Variants in STPG2 observed in about 807,000 individuals in gnomAD.
STPG2 encodes sperm-tail PG-rich repeat-containing protein 2.
In STPG2, 56 loss-of-function variants were observed where a neutral mutation model predicts 54.2. The observed-to-expected ratio is 1.03, with a 90% CI of 0.83 to 1.29. The LOEUF (loss-of-function observed/expected upper bound fraction) is 1.29, where lower values mean the gene tolerates loss of function less well. Ranked by LOEUF, STPG2 falls within the 50% of genes most tolerant of loss-of-function variation. The pLI is 0.00. For synonymous variants in STPG2, 200 were observed against 181.8 expected (o/e 1.10, Z -0.81); for missense variants, 596 against 544.9 (o/e 1.09, Z -0.93).
intron 5 of STPG2, among the ~76,000 whole-genome samples, chr4:98,009,286 AT>A (rs539158346): frequency 1.3e-4 from 20 of 150,500 alleles, no homozygotes; most frequent in Non-Finnish European, 1.6e-4. Flanking sequence ...AGTTTTTTTC[AT>A]TTTTTTATCT....
In STPG2 at chr4:97,558,930, G is replaced by A. The variant is rs1732148127; in HGVS notation, c.*128C>T. ...GTGTCATATAGTCACTAAAGCCTGA[G>A]CGAATGCCTGAACAAGTGAAAATTA... On this transcript the variant is annotated 3_prime_UTR_variant, in exon 11 of 11. Coordinates refer to ENST00000295268, the MANE Select transcript of STPG2 (RefSeq NM_174952.3). The A allele has an allele frequency of 1.3e-6, 1 of 756,368 alleles. No individual in the cohort carries two copies. Among genetic ancestry groups the A allele is most frequent in the South Asian group, 1.7e-5 (1 of 60,150 alleles). 46.9% of individuals were successfully genotyped at this position (756,368 alleles called of 1,614,324 possible). A position where few individuals can be genotyped will look rare whatever the true frequency, so the allele number is the denominator to read the frequency against.
chr4:97,457,103 C>T (rs1367534685), intron 4 of STPG2, among the ~76,000 whole-genome samples: 1 of 151,956 alleles, frequency 6.6e-6, no homozygotes, highest in Admixed American at 6.6e-5. Flanking sequence ...TTGATAATAC[C>T]AAATAGTGGT....
At chr4:97,451,677 C>T (rs904258616) in intron 4 of STPG2, among the ~76,000 whole-genome samples, 1 of 151,976 alleles carries the variant, frequency 6.6e-6, no homozygotes, top group Non-Finnish European at 1.5e-5. Flanking sequence ...AAGGAGTGAT[C>T]TATTCCAAGA....
chr4:98,054,650 A>G (rs1222454114), intron 5 of STPG2, among the ~76,000 whole-genome samples: 1 of 152,130 alleles, frequency 6.6e-6, no homozygotes, highest in Non-Finnish European at 1.5e-5. Flanking sequence ...TCTTGCATCC[A>G]TCCAGAAAGT....
rs571656454 is a variant in STPG2, at chr4:97,563,031, T to C, written c.1321-3914A>G. Reference sequence around the variant, plus strand: ...CAGAAGGAATGGTACCAGTTCCTCCTTGTACCTCTGGTAGAATTCGGCTGT... The same window carrying C: ...CAGAAGGAATGGTACCAGTTCCTCCCTGTACCTCTGGTAGAATTCGGCTGT... On this transcript the variant is annotated intron_variant, in intron 10 of 10. Coordinates refer to ENST00000295268, the MANE Select transcript of STPG2 (RefSeq NM_174952.3). 4.6e-5 allele frequency among the ~76,000 whole-genome samples: 7 copies of C among 152,326 alleles called. No individual in the cohort carries two copies. The South Asian group carries it at 1.4e-3, about 32-fold the overall frequency.
chr4:97,801,914 C>T (rs1040114134), intron 9 of STPG2, among the ~76,000 whole-genome samples: 12 of 152,218 alleles, frequency 7.9e-5, no homozygotes, highest in South Asian at 4.1e-4. Flanking sequence ...TACAATGTAA[C>T]GTTAACTTTA....
chr4:97,902,194 G>A (rs767825222), intron 8 of STPG2, among the ~76,000 whole-genome samples: 5 of 151,952 alleles, frequency 3.3e-5, no homozygotes, highest in African/African-American at 9.7e-5. Flanking sequence ...GAAACCACAG[G>A]ATTTCTAGAA....
At chr4:97,622,617 T>C (rs1202930083) in intron 10 of STPG2, among the ~76,000 whole-genome samples, 1 of 151,828 alleles carries the variant, frequency 6.6e-6, no homozygotes, top group African/African-American at 2.4e-5. Flanking sequence ...AAATCAGAAA[T>C]GGCACAAATA....
intron 10 of STPG2, among the ~76,000 whole-genome samples, chr4:97,598,535 C>A (rs534538785): frequency 6.6e-6 from 1 of 150,910 alleles, no homozygotes; most frequent in Non-Finnish European, 1.5e-5. Flanking sequence ...ACTACAGTAG[C>A]CCAAACAGCA....
chr4:98,117,045 A>C (rs10005118), intron 3 of STPG2, among the ~76,000 whole-genome samples: 59,637 of 151,468 alleles, frequency 0.39, 11,916 homozygotes, highest in Middle Eastern at 0.45. Flanking sequence ...TTCTTTAATT[A>C]TTTATGTGAA....
intron 7 of STPG2, among the ~76,000 whole-genome samples, chr4:97,964,093 A>G (rs994356024): frequency 6.6e-6 from 1 of 152,172 alleles, no homozygotes; most frequent in Non-Finnish European, 1.5e-5. Flanking sequence ...TTCAAGTTAC[A>G]AAGGTGACCT....
intron 10 of STPG2, among the ~76,000 whole-genome samples, chr4:97,618,393 C>T (rs1416518172): frequency 6.6e-6 from 1 of 151,914 alleles, no homozygotes; most frequent in African/African-American, 2.4e-5. Context: ...TCCAACTTCC[C>T]AACTGAACCC....
intron 5 of STPG2, among the ~76,000 whole-genome samples, chr4:98,002,928 T>C (rs550105428): frequency 6.6e-6 from 1 of 152,176 alleles, no homozygotes; most frequent in South Asian, 2.1e-4. Context: ...AGCATAAAAA[T>C]AAGTTTTATT....
intron 5 of STPG2, chr4:98,049,167 T>C (rs1331834496): frequency 6.6e-6 from 1 of 152,150 alleles, no homozygotes; most frequent in Non-Finnish European, 1.5e-5. Context: ...TTTGTCAAAA[T>C]TATAATTAGT....
intron 9 of STPG2, among the ~76,000 whole-genome samples, chr4:97,772,870 T>G (rs547725173): frequency 5.9e-5 from 9 of 152,146 alleles, no homozygotes; most frequent in Non-Finnish European, 1.2e-4. Context: ...CAGGTGGAAA[T>G]TCAGAGACAA....
chr4:98,060,494 A>G (rs368560585), intron 5 of STPG2, among the ~76,000 whole-genome samples: 10 of 152,224 alleles, frequency 6.6e-5, no homozygotes, highest in African/African-American at 2.4e-4. Flanking sequence ...ATACTGCCCA[A>G]AGCAATTTAC....
intron 6 of STPG2, among the ~76,000 whole-genome samples, chr4:97,979,177 T>C (rs1390939270): frequency 1.3e-5 from 2 of 151,830 alleles, no homozygotes; most frequent in East Asian, 3.9e-4. Flanking sequence ...AAAGGGACAA[T>C]GAGAGTAAAA....
chr4:98,007,987 T>C (rs1011100766), intron 5 of STPG2, among the ~76,000 whole-genome samples: 2 of 152,154 alleles, frequency 1.3e-5, no homozygotes, highest in African/African-American at 4.8e-5. Flanking sequence ...ATCCTTGGTA[T>C]TCCCAAGGGA....
At chr4:97,684,156 G>T (rs1166228679) in intron 10 of STPG2, among the ~76,000 whole-genome samples, 3 of 151,840 alleles carry the variant, frequency 2.0e-5, no homozygotes, top group Admixed American at 1.3e-4. Context: ...GCTTTATTAA[G>T]ATGCCAATTC....
Sources: gnomAD v4.1 joint callset for allele counts (sites outside exome capture counted in the v4.1 genomes callset) on GRCh38, gnomAD v4.1.1 for gene constraint, MANE v1.5 for transcripts, NCBI Gene and HGNC (gene_info 2026-07-23, HGNC 2026-07-21) for gene names.